The following LDLRAD3 variants were observed in gnomAD, a reference collection of about 807,000 sequenced individuals.
LDLRAD3 encodes low density lipoprotein receptor class A domain containing 3, also known as low-density lipoprotein receptor class A domain-containing protein 3.
In LDLRAD3, 20 loss-of-function variants were observed where a neutral mutation model predicts 29.4. The observed-to-expected ratio is 0.68, with a 90% CI of 0.48 to 0.99. LDLRAD3 has a LOEUF of 0.99. Among genes scored for constraint, LDLRAD3 ranks in the 50% least tolerant of loss-of-function variants. LDLRAD3 has a pLI of 0.00. For synonymous variants in LDLRAD3, 157 were observed against 192.7 expected (o/e 0.81, Z 1.53); for missense variants, 420 against 454.3 (o/e 0.92, Z 0.69).
At chr11:36,157,205 C>T (rs1321837808) in intron 4 of LDLRAD3, among the ~76,000 whole-genome samples, 1 of 152,184 alleles carries the variant, frequency 6.6e-6, no homozygotes, top group Middle Eastern at 3.2e-3. Context: ...TATACAGTTT[C>T]CTGCACCCCC....
chr11:36,053,104 G>T (rs578049525), intron 2 of LDLRAD3, among the ~76,000 whole-genome samples: 1 of 152,246 alleles, frequency 6.6e-6, no homozygotes, highest in African/African-American at 2.4e-5. Context: ...TCTTGTCCTT[G>T]CCGAAAACAA....
At chr11:36,165,518 G>A (rs749945703) in intron 4 of LDLRAD3, among the ~76,000 whole-genome samples, 6 of 151,776 alleles carry the variant, frequency 4.0e-5, no homozygotes, top group African/African-American at 9.7e-5. Context: ...TTTTCATCAC[G>A]TAATTGCCAA....
intron 2 of LDLRAD3, among the ~76,000 whole-genome samples, chr11:36,050,611 T>C (rs1852513140): frequency 6.6e-6 from 1 of 152,220 alleles, no homozygotes; most frequent in South Asian, 2.1e-4. Context: ...GTGACAGTGC[T>C]GGCTGCCTTG....
intron 5 of LDLRAD3, among the ~76,000 whole-genome samples, chr11:36,228,008 T>A (rs568860001): frequency 5.1e-4 from 78 of 152,366 alleles, no homozygotes; most frequent in African/African-American, 1.6e-3. Flanking sequence ...CAAGCTTTTT[T>A]AAGCAGTACC....
intron 3 of LDLRAD3, among the ~76,000 whole-genome samples, chr11:36,089,208 CT>C (rs1853240766): frequency 6.6e-6 from 1 of 152,178 alleles, no homozygotes; most frequent in African/African-American, 2.4e-5. Flanking sequence ...GAGCACTTAC[CT>C]TGTGTATGGC....
At chr11:36,181,315 C>T (rs78843600) in intron 4 of LDLRAD3, among the ~76,000 whole-genome samples, 2,188 of 152,074 alleles carry the variant, frequency 0.014, 55 homozygotes, top group African/African-American at 0.049. Context: ...TGTTCTCTGT[C>T]TTTTTGCAGC....
intron 4 of LDLRAD3, among the ~76,000 whole-genome samples, chr11:36,154,395 C>G (rs961534473): frequency 1.2e-4 from 19 of 152,094 alleles, no homozygotes. Flanking sequence ...GCTCTTGGAC[C>G]CCACTTATTC....
chr11:36,153,803 G>A (rs954355551), intron 4 of LDLRAD3, among the ~76,000 whole-genome samples: 4 of 152,182 alleles, frequency 2.6e-5, no homozygotes, highest in Non-Finnish European at 5.9e-5. Context: ...CCATTAGGGG[G>A]TTTCTCTAGC....
At chr11:36,062,052 C>T (rs569853056) in intron 2 of LDLRAD3, among the ~76,000 whole-genome samples, 1 of 152,110 alleles carries the variant, frequency 6.6e-6, no homozygotes, top group East Asian at 1.9e-4. Flanking sequence ...TTAATCCTCC[C>T]AGCTACTCTG....
At chr11:35,971,710 A>G (rs1201603732) in intron 1 of LDLRAD3, among the ~76,000 whole-genome samples, 1 of 152,180 alleles carries the variant, frequency 6.6e-6, no homozygotes, top group African/African-American at 2.4e-5. Context: ...ATATAGAACC[A>G]AAAAGATGAA....
In LDLRAD3 at chr11:36,148,719, A is replaced by G. The variant is rs1854233116; in HGVS notation, c.454+50258A>G. ...GCAGCCAGGGAATGGAGCCAGGACCACTTTACCCCAGCAAGACTCCCAAGC... is the reference window on the plus strand; with the variant it reads ...GCAGCCAGGGAATGGAGCCAGGACCGCTTTACCCCAGCAAGACTCCCAAGC... On this transcript the variant is annotated intron_variant, in intron 4 of 5. Coordinates refer to ENST00000315571, the MANE Select transcript of LDLRAD3 (RefSeq NM_174902.4). Among the ~76,000 whole-genome samples, 4 of 152,128 alleles carry G rather than the reference A, an allele frequency of 2.6e-5. No individual in the cohort carries two copies. In the South Asian group the frequency reaches 8.3e-4, roughly 32 times the overall value.
At chr11:36,211,135 T>A (rs1034263841) in intron 4 of LDLRAD3, among the ~76,000 whole-genome samples, 1 of 152,212 alleles carries the variant, frequency 6.6e-6, no homozygotes, top group Non-Finnish European at 1.5e-5. Context: ...TGATGGGCCC[T>A]AGAGTCACTG....
chr11:36,107,882 G>A (rs1853551431), intron 4 of LDLRAD3, among the ~76,000 whole-genome samples: 1 of 152,192 alleles, frequency 6.6e-6, no homozygotes, highest in Admixed American at 6.5e-5. Context: ...CAGGCATTAT[G>A]CCCAGGAGAC....
intron 1 of LDLRAD3, among the ~76,000 whole-genome samples, chr11:35,989,353 G>T (rs915608930): frequency 6.6e-6 from 1 of 152,128 alleles, no homozygotes; most frequent in South Asian, 2.1e-4. Flanking sequence ...CTGGCTCTTT[G>T]GGCTCTTTTT....
chr11:36,109,553 G>GC (rs1853578549), intron 4 of LDLRAD3, among the ~76,000 whole-genome samples: 1 of 152,066 alleles, frequency 6.6e-6, no homozygotes, highest in Non-Finnish European at 1.5e-5. Flanking sequence ...GCTGCTCCAG[G>GC]CCCCCCACTA....
chr11:35,957,990 A>T (rs1851226705), intron 1 of LDLRAD3, among the ~76,000 whole-genome samples: 1 of 152,128 alleles, frequency 6.6e-6, no homozygotes, highest in South Asian at 2.1e-4. Context: ...GGCAATGAGG[A>T]TACCTGTGTT....
chr11:36,224,471 G>A (rs1316254350), intron 4 of LDLRAD3, among the ~76,000 whole-genome samples: 2 of 152,186 alleles, frequency 1.3e-5, no homozygotes, highest in African/African-American at 2.4e-5. Context: ...GCTTCTAATT[G>A]TCTCACTGAG....
intron 4 of LDLRAD3, among the ~76,000 whole-genome samples, chr11:36,166,547 A>G (rs1854518796): frequency 6.6e-6 from 1 of 152,200 alleles, no homozygotes. Context: ...ATTTTCCACT[A>G]TTGGTAAGGT....
At chr11:36,133,606 T>C (rs1160353035) in intron 4 of LDLRAD3, among the ~76,000 whole-genome samples, 1 of 145,244 alleles carries the variant, frequency 6.9e-6, no homozygotes, top group Non-Finnish European at 1.5e-5. Flanking sequence ...GTGTCTCAGC[T>C]CACTGCAAGC....
Sources: gnomAD v4.1 joint callset for allele counts (sites outside exome capture counted in the v4.1 genomes callset) on GRCh38, gnomAD v4.1.1 for gene constraint, MANE v1.5 for transcripts, NCBI Gene and HGNC (gene_info 2026-07-23, HGNC 2026-07-21) for gene names.